The following DGKG variants were observed in gnomAD, a reference collection of about 807,000 sequenced individuals.
The protein encoded by DGKG is diacylglycerol kinase gamma, also known as DAG kinase gamma.
A neutral mutation model predicts 105.3 loss-of-function variants in DGKG; 78 were observed. The ratio of observed to expected loss-of-function variants is 0.74; its 90% confidence interval spans 0.62 to 0.89. DGKG has a LOEUF of 0.89. DGKG is among the 40% of genes least tolerant of loss of function. The pLI, the probability that DGKG is intolerant of heterozygous loss-of-function variation, is 0.00. For synonymous variants in DGKG, 346 were observed against 367.1 expected (o/e 0.94, Z 0.66); for missense variants, 958 against 1,020.1 (o/e 0.94, Z 0.83).
intron 14 of DGKG, among the ~76,000 whole-genome samples, chr3:186,264,191 G>A (rs1721928655): frequency 6.6e-6 from 1 of 152,168 alleles, no homozygotes; most frequent in African/African-American, 2.4e-5. Flanking sequence ...CCACCTTTCT[G>A]CCCTTCTAGG....
intron 1 of DGKG, among the ~76,000 whole-genome samples, chr3:186,336,032 T>C (rs1692569453): frequency 6.6e-6 from 1 of 152,180 alleles, no homozygotes; most frequent in Admixed American, 6.5e-5. Flanking sequence ...TCAATTCTTT[T>C]CAGGAATTGC....
chr3:186,260,525 A>G lies in DGKG; in HGVS notation c.1350-12T>C. ...ATTTCCGAAGAATTCTATGGAAAAA[A>G]AAAGAAAAGGAGGGAGAGAGAGAGA... is the stretch of plus-strand genomic sequence containing the variant. On this transcript the variant is annotated splice_polypyrimidine_tract_variant and intron_variant, in intron 15 of 24. Transcript: ENST00000265022. 1 of 1,598,544 alleles carries G rather than the reference A, an allele frequency of 6.3e-7. No individual in the cohort carries two copies. Among genetic ancestry groups the G allele is most frequent in the Non-Finnish European group, 8.6e-7 (1 of 1,166,426 alleles).
intron 21 of DGKG, among the ~76,000 whole-genome samples, chr3:186,205,902 T>A (rs1335403319): frequency 6.6e-6 from 1 of 151,708 alleles, no homozygotes; most frequent in African/African-American, 2.4e-5. Flanking sequence ...AAAAAAAAAT[T>A]AAAAAAATCC....
At chr3:186,351,606 T>C (rs1332478826) in intron 1 of DGKG, among the ~76,000 whole-genome samples, 2 of 152,202 alleles carry the variant, frequency 1.3e-5, no homozygotes, top group Admixed American at 1.3e-4. Flanking sequence ...CTAACCAAGG[T>C]TCACCAAGAA....
At chr3:186,285,326 T>A (rs918615910) in intron 6 of DGKG, among the ~76,000 whole-genome samples, 4 of 152,258 alleles carry the variant, frequency 2.6e-5, no homozygotes, top group Non-Finnish European at 5.9e-5. Context: ...CATTTATATA[T>A]GGCATTTAAC....
At chr3:186,266,525 T>A (rs1393065508) in intron 13 of DGKG, among the ~76,000 whole-genome samples, 1 of 152,192 alleles carries the variant, frequency 6.6e-6, no homozygotes. Context: ...AATTTTTGAG[T>A]TATGGAGTTT....
chr3:186,253,467 T>C (rs1040219883), intron 17 of DGKG, among the ~76,000 whole-genome samples: 1 of 152,240 alleles, frequency 6.6e-6, no homozygotes, highest in African/African-American at 2.4e-5. Context: ...ATCTGTCCTT[T>C]GGGGTGGCAG....
chr3:186,203,645 T>G lies in DGKG; in HGVS notation c.1917+8150A>C, dbSNP rs1184512321. On this transcript the variant is annotated intron_variant, in intron 21 of 24. Coordinates refer to ENST00000265022, the MANE Select transcript of DGKG (RefSeq NM_001346.3). This position sits in a 1 kb window ranked among gnomAD's most constrained non-coding sequence, Gnocchi z 4.9. ...GAATGAGGGAGCTGCTGGACTGGAT[T>G]GAGGAAGGGGAATAAACTAGAAGGA... Among the ~76,000 whole-genome samples the G allele has an allele frequency of 6.6e-6, 1 of 152,166 alleles. No individual in the cohort carries two copies. The highest frequency in any genetic ancestry group is 2.4e-5 in the African/African-American group (1 of 41,438).
At chr3:186,183,150 A>T (rs1717438546) in intron 22 of DGKG, among the ~76,000 whole-genome samples, 1 of 152,168 alleles carries the variant, frequency 6.6e-6, no homozygotes, top group South Asian at 2.1e-4. Flanking sequence ...CTGATGCAAG[A>T]CACACAGTAG....
chr3:186,282,719 T>G (rs747901229), intron 7 of DGKG, among the ~76,000 whole-genome samples: 1 of 152,046 alleles, frequency 6.6e-6, no homozygotes, highest in Non-Finnish European at 1.5e-5. Flanking sequence ...TTTTGCCATG[T>G]TGGCTAGGCT....
chr3:186,173,655 G>C (rs1716934958), intron 22 of DGKG, among the ~76,000 whole-genome samples: 1 of 152,260 alleles, frequency 6.6e-6, no homozygotes, highest in Admixed American at 6.5e-5. Context: ...GCTCCTCTGA[G>C]CCTCCCAGTT....
At position 186,360,898 on chromosome 3, in the gene DGKG, C is replaced by A. The variant is rs147919696; in HGVS notation, c.-249+1048G>T. On this transcript the variant is annotated intron_variant, in intron 1 of 24. Transcript: ENST00000265022. Reference sequence around the variant, plus strand: ...AGGAATGACAAACAGCCCTCCCAGGCCCTCCTCCCCACAGAGAGGTCATCG... The same window carrying A: ...AGGAATGACAAACAGCCCTCCCAGGACCTCCTCCCCACAGAGAGGTCATCG... Among the ~76,000 whole-genome samples the A allele has an allele frequency of 6.9e-4, 105 of 152,368 alleles. No individual in the cohort carries two copies. In the East Asian group the frequency reaches 0.02, roughly 29 times the overall value.
At chr3:186,258,045 C>T in intron 16 of DGKG, 106 bp from the exon 17 acceptor site, 1 of 819,200 alleles carries the variant, frequency 1.2e-6, no homozygotes, top group South Asian at 1.5e-5. Context: ...ATGTTAAGAC[C>T]TCGATTCCTT....
intron 22 of DGKG, among the ~76,000 whole-genome samples, chr3:186,173,925 C>T (rs991885103): frequency 2.0e-5 from 3 of 152,234 alleles, no homozygotes; most frequent in Non-Finnish European, 2.9e-5. Flanking sequence ...GGCATCCCAA[C>T]CATAACTAAG....
intron 2 of DGKG, among the ~76,000 whole-genome samples, chr3:186,307,444 T>G (rs1724302221): frequency 6.6e-6 from 1 of 152,220 alleles, no homozygotes; most frequent in African/African-American, 2.4e-5. Flanking sequence ...TTTCACTCAT[T>G]CTTCAAGATC....
At chr3:186,200,220 G>GATACATCCT (rs1718382852) in intron 21 of DGKG, among the ~76,000 whole-genome samples, 1 of 152,138 alleles carries the variant, frequency 6.6e-6, no homozygotes, top group Admixed American at 6.5e-5. Flanking sequence ...CCCTATGAAA[G>GATACATCCT]GCAGCCATGT....
intron 21 of DGKG, among the ~76,000 whole-genome samples, chr3:186,197,273 AC>A (rs1718226701): frequency 6.6e-6 from 1 of 152,228 alleles, no homozygotes; most frequent in Admixed American, 6.5e-5. Flanking sequence ...ATCCTGACAC[AC>A]TTGAATAGGG....
Position 186,260,514 on chromosome 3 carries a change from C to G in DGKG, c.1350-1G>C. The G allele has an allele frequency of 6.2e-7, 1 of 1,600,094 alleles. No individual in the cohort carries two copies. The highest frequency in any genetic ancestry group is 8.5e-7 in the Non-Finnish European group (1 of 1,169,710). On this transcript the variant is annotated splice_acceptor_variant, in intron 15 of 24. Coordinates refer to ENST00000265022, the MANE Select transcript of DGKG (RefSeq NM_001346.3). LOFTEE classifies it high-confidence loss of function. ...CAGATAGTGGAATTTCCGAAGAATT[C>G]TATGGAAAAAAAAAGAAAAGGAGGG...
At chr3:186,172,645 G>T (rs1005202407) in intron 22 of DGKG, among the ~76,000 whole-genome samples, 14 of 152,134 alleles carry the variant, frequency 9.2e-5, no homozygotes, top group African/African-American at 3.1e-4. Flanking sequence ...TACCGGGAGG[G>T]GTATGCATCT....
Sources: allele counts gnomAD v4.1 joint callset (sites outside exome capture counted in the v4.1 genomes callset), GRCh38; gene constraint gnomAD v4.1.1; non-coding constraint Gnocchi (gnomAD v3.1); transcripts MANE v1.5; gene names NCBI Gene and HGNC (gene_info 2026-07-23, HGNC 2026-07-21).